The following GNG4 variants were observed in gnomAD, a reference collection of about 807,000 sequenced individuals.
GNG4 encodes guanine nucleotide-binding protein G(I)/G(S)/G(O) subunit gamma-4.
GNG4 carries 4 observed loss-of-function variants against 5.8 expected under a neutral mutation model. The observed-to-expected ratio is 0.69, with a 90% CI of 0.34 to 1.57. GNG4 has a LOEUF of 1.57. Ranked by LOEUF, GNG4 falls within the 40% of genes most tolerant of loss-of-function variation. GNG4 has a pLI of 0.06. For missense variants in GNG4, 96 were observed against 95.1 expected (o/e 1.01, Z -0.04); for synonymous variants, 29 against 32.9 (o/e 0.88, Z 0.41).
chr1:235,612,597 A>T (rs1027471544), intron 1 of GNG4, among the ~76,000 whole-genome samples: 3 of 152,092 alleles, frequency 2.0e-5, no homozygotes, highest in African/African-American at 7.2e-5. Flanking sequence ...ATCATGACTC[A>T]TTGCAGCCTT....
At chr1:235,587,480 GTGT>G (rs1252455731) in intron 2 of GNG4, among the ~76,000 whole-genome samples, 2 of 35,092 alleles carry the variant, frequency 5.7e-5, no homozygotes, top group Admixed American at 2.9e-4. Context: ...GAGTGTGAGA[GTGT>G]GGATGGGGGG....
At chr1:235,559,705 T>C (rs1405306610) in intron 3 of GNG4, among the ~76,000 whole-genome samples, 1 of 152,218 alleles carries the variant, frequency 6.6e-6, no homozygotes, top group Non-Finnish European at 1.5e-5. Context: ...GTGGGTGATA[T>C]GTGTGAATAA....
At chr1:235,587,433 G>T (rs1185409089) in intron 2 of GNG4, among the ~76,000 whole-genome samples, 1 of 70,176 alleles carries the variant, frequency 1.4e-5, no homozygotes, top group African/African-American at 6.1e-5. Flanking sequence ...TGTGTGTGAG[G>T]GTGGGTGAGC....
intron 1 of GNG4, among the ~76,000 whole-genome samples, chr1:235,621,910 C>A (rs1369287339): frequency 1.3e-5 from 2 of 152,088 alleles, no homozygotes; most frequent in African/African-American, 4.8e-5. Flanking sequence ...CTCCAAGGTT[C>A]AAGCCATCCT....
Position 235,644,760 on chromosome 1 carries a change from T to C in GNG4, c.-123+4902A>G, listed in dbSNP as rs1657458185. Among the ~76,000 whole-genome samples the C allele has an allele frequency of 6.6e-6, 1 of 152,200 alleles. No individual in the cohort carries two copies. The highest frequency in any genetic ancestry group is 1.5e-5 in the Non-Finnish European group (1 of 68,024). ...GCTAGGGGCAGCGGAAAGGCCCTGC[T>C]GGAAATTTCCATCCAGGGTCTGTGC... On this transcript the variant is annotated intron_variant, in intron 1 of 3. Transcript: ENST00000391854. The surrounding 1 kb of genome is among the most constrained non-coding windows in gnomAD (Gnocchi z 5.9).
chr1:235,589,081 T>A (rs1687897582), intron 2 of GNG4: 1 of 152,176 alleles, frequency 6.6e-6, no homozygotes, highest in African/African-American at 2.4e-5. Context: ...GAGGTAAACA[T>A]CCAGAGTGAC....
In GNG4 at chr1:235,550,729, G is replaced by A. The variant is rs1287416597; in HGVS notation, c.*1380C>T. The A allele has an allele frequency of 1.3e-5, 2 of 152,208 alleles. No homozygotes were observed. Among genetic ancestry groups the A allele is most frequent in the Middle Eastern group, 3.1e-3 (1 of 318 alleles). The allele number at this position is 152,208 out of a possible 1,614,324, so 9.4% of individuals were successfully genotyped here. On this transcript the variant is annotated 3_prime_UTR_variant, in exon 4 of 4. Coordinates refer to ENST00000391854, the MANE Select transcript of GNG4 (RefSeq NM_001098722.2). ...AGACATGAGGATCACTTGAACCTGC[G>A]AGTGGAGGTTGCGGTGAGCTGAGAT...
At position 235,622,147 on chromosome 1, in the gene GNG4, A is replaced by G. The variant is rs140698488; in HGVS notation, c.-122-26636T>C. ...TAATGGTATGAATTTCCCTTTAATCACTGAGTCCCACACATTTTTATATCA... is the reference window on the plus strand; with the variant it reads ...TAATGGTATGAATTTCCCTTTAATCGCTGAGTCCCACACATTTTTATATCA... On this transcript the variant is annotated intron_variant, in intron 1 of 3. Coordinates refer to ENST00000391854, the MANE Select transcript of GNG4 (RefSeq NM_001098722.2). Among the ~76,000 whole-genome samples the G allele has an allele frequency of 2.2e-3, 333 of 152,316 alleles. 1 individual carries two copies. The highest frequency in any genetic ancestry group is 7.6e-3 in the African/African-American group (316 of 41,574).
chr1:235,594,481 G>A (rs530570267), intron 2 of GNG4, among the ~76,000 whole-genome samples: 16 of 152,306 alleles, frequency 1.1e-4, no homozygotes, highest in African/African-American at 3.8e-4. Flanking sequence ...CATGGAGCAG[G>A]GGGCGGTGAT....
At chr1:235,553,887 G>C (rs752807020) in intron 3 of GNG4, among the ~76,000 whole-genome samples, 1 of 152,122 alleles carries the variant, frequency 6.6e-6, no homozygotes, top group African/African-American at 2.4e-5. Context: ...GAGCTCTAAG[G>C]TCCCAATTTA....
chr1:235,568,376 C>T (rs903843182), intron 3 of GNG4, among the ~76,000 whole-genome samples: 3 of 152,116 alleles, frequency 2.0e-5, no homozygotes, highest in Non-Finnish European at 4.4e-5. Context: ...TCGGGAAGAC[C>T]TTTTGACTGA....
intron 1 of GNG4, among the ~76,000 whole-genome samples, chr1:235,602,014 G>A (rs1464094073): frequency 1.3e-5 from 2 of 152,176 alleles, no homozygotes; most frequent in South Asian, 2.1e-4. Flanking sequence ...GCTCACGCCT[G>A]TAATCCCAGC....
intron 3 of GNG4, among the ~76,000 whole-genome samples, chr1:235,558,776 C>T (rs1686983808): frequency 6.6e-6 from 1 of 152,222 alleles, no homozygotes; most frequent in South Asian, 2.1e-4. Flanking sequence ...GGCTTTCCCT[C>T]AAGTTCACTG....
chr1:235,555,084 G>A (rs1022762595), intron 3 of GNG4, among the ~76,000 whole-genome samples: 2 of 152,180 alleles, frequency 1.3e-5, no homozygotes, highest in African/African-American at 4.8e-5. Flanking sequence ...AGATCTCACT[G>A]TGATCTCAAA....
At chr1:235,631,336 C>T (rs1325559138) in intron 1 of GNG4, among the ~76,000 whole-genome samples, 4 of 152,178 alleles carry the variant, frequency 2.6e-5, no homozygotes, top group Non-Finnish European at 5.9e-5. Context: ...TAATGAATCA[C>T]CCTCTGCTCG....
chr1:235,569,406 CAAGATCACG>C (rs1687279981), intron 3 of GNG4, among the ~76,000 whole-genome samples: 1 of 147,946 alleles, frequency 6.8e-6, no homozygotes, highest in Non-Finnish European at 1.5e-5. Flanking sequence ...TGCAGTGAGC[CAAGATCACG>C]ACACTGCACT....
chr1:235,616,725 GAT>G (rs1491417937), intron 1 of GNG4, among the ~76,000 whole-genome samples: 2 of 133,890 alleles, frequency 1.5e-5, no homozygotes. Flanking sequence ...AGTGCTGAAA[GAT>G]GTGTGTGTGT....
At chr1:235,630,085 C>T (rs932536637) in intron 1 of GNG4, among the ~76,000 whole-genome samples, 4 of 152,276 alleles carry the variant, frequency 2.6e-5, no homozygotes, top group Admixed American at 6.5e-5. Context: ...GTCTCTTGCA[C>T]GATAATTTTT....
At chr1:235,572,560 G>C (rs1321160547) in intron 3 of GNG4, among the ~76,000 whole-genome samples, 1 of 149,770 alleles carries the variant, frequency 6.7e-6, no homozygotes, top group South Asian at 2.1e-4. Flanking sequence ...GGAGTGAGGT[G>C]GTATGTTCTC....
Sources: allele counts gnomAD v4.1 joint callset (sites outside exome capture counted in the v4.1 genomes callset), GRCh38; gene constraint gnomAD v4.1.1; non-coding constraint Gnocchi (gnomAD v3.1); transcripts MANE v1.5; gene names NCBI Gene and HGNC (gene_info 2026-07-23, HGNC 2026-07-21).